LUZP2: variants seen among roughly 807,000 people sequenced by gnomAD.
LUZP2 encodes leucine zipper protein 2.
Under a neutral mutation model 51.6 loss-of-function variants are expected in LUZP2, and 52 were observed. The observed-to-expected ratio is 1.01, with a 90% CI of 0.81 to 1.27. LUZP2 has a LOEUF of 1.27. Among genes scored for constraint, LUZP2 ranks in the 50% most tolerant of loss-of-function variants. The pLI, the probability that LUZP2 is intolerant of heterozygous loss-of-function variation, is 0.00. For missense variants in LUZP2, 436 were observed against 395.4 expected, an observed-to-expected ratio of 1.10 and a Z score of -0.87; for synonymous variants, 154 against 137.3, an observed-to-expected ratio of 1.12 and a Z score of -0.85.
At chr11:24,696,001 A>G (rs1590360006) in intron 1 of LUZP2, among the ~76,000 whole-genome samples, 1 of 152,126 alleles carries the variant, frequency 6.6e-6, no homozygotes, top group African/African-American at 2.4e-5. Context: ...GGATCGGTAT[A>G]TGTGTGGGTT....
At chr11:24,710,100 A>G (rs932564956) in intron 1 of LUZP2, among the ~76,000 whole-genome samples, 1 of 152,162 alleles carries the variant, frequency 6.6e-6, no homozygotes, top group Non-Finnish European at 1.5e-5. Context: ...TAACATTTTA[A>G]TAAGTGCTTG....
At chr11:24,499,259 A>G (rs778854249) in intron 1 of LUZP2, among the ~76,000 whole-genome samples, 38 of 152,276 alleles carry the variant, frequency 2.5e-4, no homozygotes, top group Admixed American at 4.6e-4. Context: ...TAATGTGATT[A>G]CTCTGTAGGA....
At chr11:24,891,333 G>T (rs1852846699) in intron 5 of LUZP2, 1 of 923,374 alleles carries the variant, frequency 1.1e-6, no homozygotes, top group African/African-American at 1.8e-5. Flanking sequence ...AACATATGGA[G>T]ATATATACAT....
At chr11:24,786,154 A>C in intron 5 of LUZP2, 1 of 985,152 alleles carries the variant, frequency 1.0e-6, no homozygotes, top group Non-Finnish European at 1.2e-6. Flanking sequence ...GTTGTAAAAT[A>C]TATGTCTCAG....
At chr11:24,753,462 C>T (rs374697022) in intron 4 of LUZP2, among the ~76,000 whole-genome samples, 2 of 152,156 alleles carry the variant, frequency 1.3e-5, no homozygotes, top group South Asian at 4.2e-4. Context: ...GTTTTATGAT[C>T]CACAAACAGA....
rs78305886 is a variant in LUZP2, at chr11:24,973,639, T to C, written c.523-2952T>C. Among the ~76,000 whole-genome samples, 778 of 152,156 alleles carry C rather than the reference T, an allele frequency of 5.1e-3. 21 individuals carry two copies. The highest frequency in any genetic ancestry group is 0.041 in the East Asian group (211 of 5,152). ...GCATCCCAGAGATTTTGGTACATTG[T>C]CTCATTAGTTTTAAATAACTTCTTC... is the stretch of plus-strand genomic sequence containing the variant. On this transcript the variant is annotated intron_variant, in intron 7 of 11. Coordinates refer to ENST00000336930, the MANE Select transcript of LUZP2 (RefSeq NM_001009909.4).
intron 4 of LUZP2, among the ~76,000 whole-genome samples, chr11:24,742,798 T>C (rs914986434): frequency 1.3e-5 from 2 of 152,094 alleles, no homozygotes; most frequent in Admixed American, 1.3e-4. Context: ...GTTTTTCCAA[T>C]GTTATCCACT....
chr11:24,674,119 G>C (rs1856476628), intron 1 of LUZP2, among the ~76,000 whole-genome samples: 1 of 152,098 alleles, frequency 6.6e-6, no homozygotes, highest in South Asian at 2.1e-4. Context: ...TACTGTCCTG[G>C]ACATTGTTTT....
intron 1 of LUZP2, among the ~76,000 whole-genome samples, chr11:24,623,076 A>AAG (rs1012354904): frequency 1.3e-5 from 2 of 151,544 alleles, no homozygotes; most frequent in South Asian, 2.1e-4. Context: ...ATGTGCTTTA[A>AAG]AGAGAGAGAG....
At chr11:24,899,563 T>C (rs1853209965) in intron 5 of LUZP2, among the ~76,000 whole-genome samples, 2 of 152,102 alleles carry the variant, frequency 1.3e-5, no homozygotes, top group East Asian at 1.9e-4. Context: ...TATTTAAAAA[T>C]GCACTTTATA....
At chr11:24,977,908 G>C (rs1351883567) in intron 8 of LUZP2, among the ~76,000 whole-genome samples, 4 of 150,074 alleles carry the variant, frequency 2.7e-5, no homozygotes, top group African/African-American at 9.9e-5. Flanking sequence ...TTTAATTAAA[G>C]GAAATACTCT....
intron 1 of LUZP2, among the ~76,000 whole-genome samples, chr11:24,563,143 A>C (rs1050572777): frequency 4.6e-5 from 7 of 152,222 alleles, no homozygotes; most frequent in Non-Finnish European, 8.8e-5. Context: ...AAGACAAGGC[A>C]TTCGGAAGCT....
chr11:24,979,654 C>T (rs962838837), intron 8 of LUZP2, among the ~76,000 whole-genome samples: 7 of 151,712 alleles, frequency 4.6e-5, no homozygotes, highest in African/African-American at 1.7e-4. Context: ...TTGAGTTTCC[C>T]ATCAGTTATT....
intron 5 of LUZP2, among the ~76,000 whole-genome samples, chr11:24,830,500 A>G (rs1850667469): frequency 6.6e-6 from 1 of 150,448 alleles, no homozygotes; most frequent in South Asian, 2.1e-4. Flanking sequence ...GTGACACACA[A>G]AAGACACACA....
chr11:24,526,415 A>G (rs1850807129), intron 1 of LUZP2, among the ~76,000 whole-genome samples: 1 of 150,710 alleles, frequency 6.6e-6, no homozygotes, highest in Non-Finnish European at 1.5e-5. Context: ...GTACAGGATT[A>G]AACTTTGGAT....
intron 7 of LUZP2, among the ~76,000 whole-genome samples, chr11:24,916,541 G>C (rs909070197): frequency 6.6e-6 from 1 of 151,878 alleles, no homozygotes. Flanking sequence ...GTGTCCACAT[G>C]TTCTCACTGT....
At chr11:24,802,390 G>A (rs1005235003) in intron 5 of LUZP2, among the ~76,000 whole-genome samples, 1 of 151,824 alleles carries the variant, frequency 6.6e-6, no homozygotes, top group Non-Finnish European at 1.5e-5. Context: ...TACTACATGA[G>A]TTTTGGTGAC....
intron 5 of LUZP2, among the ~76,000 whole-genome samples, chr11:24,801,508 G>A (rs1157593877): frequency 2.6e-5 from 4 of 151,688 alleles, no homozygotes; most frequent in African/African-American, 9.7e-5. Context: ...CTACTTTATT[G>A]TGATTATTAT....
At chr11:25,048,783 A>T (rs984756447) in intron 9 of LUZP2, among the ~76,000 whole-genome samples, 3 of 151,944 alleles carry the variant, frequency 2.0e-5, no homozygotes, top group Non-Finnish European at 4.4e-5. Flanking sequence ...AAATTTCTTT[A>T]GGTATAAATT....
Sources: allele counts gnomAD v4.1 joint callset (sites outside exome capture counted in the v4.1 genomes callset), GRCh38; gene constraint gnomAD v4.1.1; transcripts MANE v1.5; gene names NCBI Gene and HGNC (gene_info 2026-07-23, HGNC 2026-07-21).